The following SPOCK1 variants were observed in gnomAD, a reference collection of about 807,000 sequenced individuals.
The protein encoded by SPOCK1 is SPARC (osteonectin), cwcv and kazal like domains proteoglycan 1.
SPOCK1 carries 23 observed loss-of-function variants against 55.3 expected under a neutral mutation model. The ratio of observed to expected loss-of-function variants is 0.42; its 90% CI spans 0.30 to 0.59. The LOEUF (loss-of-function observed/expected upper bound fraction) is 0.59. Among genes scored for constraint, SPOCK1 ranks in the 20% least tolerant of loss-of-function variants. SPOCK1 has a pLI of 0.22. For missense variants in SPOCK1, 499 were observed against 552.5 expected (o/e 0.90, Z 0.97); for synonymous variants, 226 against 221.0 (o/e 1.02, Z -0.20).
chr5:137,129,410 G>A (rs1244126718), intron 4 of SPOCK1, among the ~76,000 whole-genome samples: 1 of 152,204 alleles, frequency 6.6e-6, no homozygotes, highest in Non-Finnish European at 1.5e-5. Context: ...AGTAGAAAAA[G>A]AGTTTAATGC....
intron 3 of SPOCK1, among the ~76,000 whole-genome samples, chr5:137,211,715 G>A (rs1397393878): frequency 6.6e-6 from 1 of 152,154 alleles, no homozygotes; most frequent in African/African-American, 2.4e-5. Context: ...GAGAAGGGCT[G>A]CAGGTTGAGT....
chr5:137,348,317 C>T (rs1750603158), intron 2 of SPOCK1, among the ~76,000 whole-genome samples: 1 of 152,158 alleles, frequency 6.6e-6, no homozygotes, highest in Admixed American at 6.5e-5. Context: ...CAAATCAGAC[C>T]TGACTGACAA....
At position 137,421,900 on chromosome 5, in the gene SPOCK1, C is replaced by G. The variant is rs550858047; in HGVS notation, c.186+76473G>C. Among the ~76,000 whole-genome samples the G allele has an allele frequency of 2.6e-5, 4 of 152,344 alleles. No homozygotes were observed. The East Asian group carries it at 7.7e-4, about 29-fold the overall frequency. On this transcript the variant is annotated intron_variant, in intron 2 of 10. Transcript: ENST00000394945. ...GCAGTTTCTTCCCAGCCTCAATGGT[C>G]TTTACAATTTGGCATGTTTTTGCAG...
intron 3 of SPOCK1, among the ~76,000 whole-genome samples, chr5:137,202,587 A>C (rs571990188): frequency 6.6e-6 from 1 of 152,306 alleles, no homozygotes; most frequent in East Asian, 1.9e-4. Context: ...ATGAGTAAAA[A>C]TTGTGTTGAA....
intron 3 of SPOCK1, among the ~76,000 whole-genome samples, chr5:137,219,980 C>T (rs1357854027): frequency 6.6e-6 from 1 of 152,142 alleles, no homozygotes; most frequent in Admixed American, 6.5e-5. Context: ...TCTCTAAGCC[C>T]TGGGCAACCC....
At chr5:137,130,552 T>G (rs1753854278) in intron 4 of SPOCK1, among the ~76,000 whole-genome samples, 1 of 152,238 alleles carries the variant, frequency 6.6e-6, no homozygotes. Context: ...TGTCACCATA[T>G]TCAGAGATGG....
chr5:137,429,586 GCTTA>G (rs1285036501), intron 2 of SPOCK1, among the ~76,000 whole-genome samples: 11 of 152,188 alleles, frequency 7.2e-5, no homozygotes, highest in Non-Finnish European at 1.6e-4. Context: ...GTATGATTTG[GCTTA>G]GCACATTCAG....
intron 2 of SPOCK1, among the ~76,000 whole-genome samples, chr5:137,436,157 C>CA (rs113557905): frequency 2.0e-5 from 3 of 152,086 alleles, no homozygotes; most frequent in African/African-American, 7.2e-5. Flanking sequence ...GATTCTGTCT[C>CA]AAAAAACTAT....
intron 5 of SPOCK1, among the ~76,000 whole-genome samples, chr5:137,092,648 G>A (rs1753072192): frequency 6.6e-6 from 1 of 152,278 alleles, no homozygotes; most frequent in African/African-American, 2.4e-5. Context: ...GTACATTTTT[G>A]TATATCCTGT....
chr5:137,060,738 C>T (rs757030179), intron 6 of SPOCK1, among the ~76,000 whole-genome samples: 3 of 152,112 alleles, frequency 2.0e-5, no homozygotes, highest in East Asian at 1.9e-4. Flanking sequence ...ACTCTGGTTC[C>T]GACCGCAGCT....
chr5:137,472,462 C>G (rs1232502391), intron 2 of SPOCK1, among the ~76,000 whole-genome samples: 6 of 152,026 alleles, frequency 3.9e-5, no homozygotes, highest in African/African-American at 1.4e-4. Context: ...AAGGCAATCA[C>G]TCAGTCAGTC....
chr5:137,131,989 A>AAAAAAAAAAT (rs1391176339), intron 4 of SPOCK1, among the ~76,000 whole-genome samples: 2 of 36,070 alleles, frequency 5.5e-5, no homozygotes, highest in African/African-American at 3.7e-4. Flanking sequence ...AAAAAAAAAA[A>AAAAAAAAAAT]ATATATATAT....
At chr5:137,013,867 T>C (rs1751399793) in intron 6 of SPOCK1, among the ~76,000 whole-genome samples, 1 of 152,170 alleles carries the variant, frequency 6.6e-6, no homozygotes, top group Non-Finnish European at 1.5e-5. Flanking sequence ...TACAGTTTTT[T>C]TTAAGAGCTT....
intron 2 of SPOCK1, among the ~76,000 whole-genome samples, chr5:137,296,866 G>A (rs1368975409): frequency 1.3e-5 from 2 of 152,208 alleles, no homozygotes; most frequent in Non-Finnish European, 2.9e-5. Flanking sequence ...CAGGCTTCCT[G>A]AGACCAGGCT....
chr5:137,097,698 T>G (rs983536694), intron 5 of SPOCK1, among the ~76,000 whole-genome samples: 12 of 152,170 alleles, frequency 7.9e-5, no homozygotes, highest in Non-Finnish European at 1.8e-4. Flanking sequence ...CTGATTTCAC[T>G]AACAAAAACT....
At chr5:137,488,593 C>G (rs1473105241) in intron 2 of SPOCK1, among the ~76,000 whole-genome samples, 1 of 152,188 alleles carries the variant, frequency 6.6e-6, no homozygotes, top group African/African-American at 2.4e-5. Context: ...GGCCAGGCCT[C>G]TCAGAATTGA....
chr5:137,396,065 T>C (rs535780992), intron 2 of SPOCK1, among the ~76,000 whole-genome samples: 3 of 152,342 alleles, frequency 2.0e-5, no homozygotes, highest in Admixed American at 1.3e-4. Context: ...ACTGCCTCAG[T>C]TGAGGCTCTT....
Position 137,418,523 on chromosome 5 carries a change from T to A in SPOCK1, c.186+79850A>T, listed in dbSNP as rs561048612. On this transcript the variant is annotated intron_variant, in intron 2 of 10. Coordinates refer to ENST00000394945, the MANE Select transcript of SPOCK1 (RefSeq NM_004598.4). ...TAACTGGTGTGAGATGGTATCTCATTGTGGTTTTGATTTGCATTTCTCTGA... is the reference window on the plus strand; with the variant it reads ...TAACTGGTGTGAGATGGTATCTCATAGTGGTTTTGATTTGCATTTCTCTGA... Among the ~76,000 whole-genome samples, 19 of 152,316 alleles carry A rather than the reference T, an allele frequency of 1.2e-4. No homozygotes were observed. The East Asian group carries it at 2.9e-3, about 23-fold the overall frequency.
At chr5:137,193,004 G>C (rs1755215379) in intron 3 of SPOCK1, among the ~76,000 whole-genome samples, 1 of 152,180 alleles carries the variant, frequency 6.6e-6, no homozygotes, top group Admixed American at 6.5e-5. Context: ...CTGATGTTTT[G>C]TTTTTGTAAG....
Sources: allele counts gnomAD v4.1 joint callset (sites outside exome capture counted in the v4.1 genomes callset), GRCh38; gene constraint gnomAD v4.1.1; transcripts MANE v1.5; gene names NCBI Gene and HGNC (gene_info 2026-07-23, HGNC 2026-07-21).